Variants in ADAM18 observed in about 807,000 individuals in gnomAD.
ADAM18 encodes the protein ADAM metallopeptidase domain 18, also known as disintegrin and metalloproteinase domain-containing protein 18.
Under a neutral mutation model 94.4 loss-of-function variants are expected in ADAM18, and 117 were observed. The observed-to-expected ratio is 1.24, with a 90% confidence interval of 1.07 to 1.45. The LOEUF is 1.45. ADAM18 is among the 40% of genes most tolerant of loss of function. ADAM18 has a pLI of 0.00. For synonymous variants in ADAM18, 327 were observed against 291.6 expected, an observed-to-expected ratio of 1.12 and a Z score of -1.24; for missense variants, 936 against 880.0, an observed-to-expected ratio of 1.06 and a Z score of -0.81.
At position 39,648,457 on chromosome 8, in the gene ADAM18, A is replaced by G. The variant is rs757016432; in HGVS notation, c.1160A>G (p.His387Arg). ...AAGCTTTCAAATTTGCAACCATTAC[A>G]TCAAAATCAACCAGTGTGTGGTAAT... ...LQKLSNLQPL[H>R]QNQPVCGNGI... Residue 387 changes from histidine (H) to arginine (R), a missense_variant, in exon 12 of 20, where the codon CAT becomes CGT. Physicochemically the swap from His to Arg is conservative, Grantham distance 29. Transcript: ENST00000265707. The G allele has an allele frequency of 6.2e-7, 1 of 1,613,268 alleles. No homozygotes were observed. The highest frequency in any genetic ancestry group is 8.5e-7 in the Non-Finnish European group (1 of 1,179,602).
At chr8:39,721,422 T>C (rs1822744027) in intron 18 of ADAM18, among the ~76,000 whole-genome samples, 1 of 151,444 alleles carries the variant, frequency 6.6e-6, no homozygotes, top group Non-Finnish European at 1.5e-5. Flanking sequence ...GGCTTCTTAA[T>C]TAACCTAAAA....
In ADAM18 at chr8:39,723,834, G is replaced by GT. The variant is rs891927177; in HGVS notation, c.2108dup (p.Thr704HisfsTer6). ...CTGCATTTTTCTGCCGTTTTTCATA[G>GT]TTTTCACCACTGTGATCTTTAAAAG... On this transcript the variant is annotated frameshift_variant, in exon 19 of 20. Transcript: ENST00000265707. LOFTEE classifies it high-confidence loss of function. The GT allele has an allele frequency of 1.9e-6, 3 of 1,585,604 alleles. No homozygotes were observed. The African/African-American group carries it at 4.1e-5, about 22-fold the overall frequency.
Position 39,663,815 on chromosome 8 carries a change from CTG to C in ADAM18, c.1254_1255del (p.Cys418Ter), listed in dbSNP as rs1419132947. The C allele has an allele frequency of 3.1e-6, 5 of 1,611,616 alleles. No homozygotes were observed. Among genetic ancestry groups the C allele is most frequent in the Non-Finnish European group, 4.2e-6 (5 of 1,179,150 alleles). Reference protein sequence around the residue: ...NKNECQFKKCCDYNTCKLKGS... With the variant: ...NKNECQFKKCXDYNTCKLKGS... ...TTTAGGAATGTCAATTTAAGAAGTG[CTG>C]TGATTATAACACATGTAAACTGAAG... On this transcript the variant is annotated frameshift_variant, in exon 13 of 20. Transcript: ENST00000265707. LOFTEE classifies it high-confidence loss of function.
intron 18 of ADAM18, among the ~76,000 whole-genome samples, chr8:39,712,070 A>G (rs1179110534): frequency 1.4e-5 from 2 of 146,820 alleles, no homozygotes; most frequent in Admixed American, 1.4e-4. Flanking sequence ...GATAAAAGAT[A>G]AGAAAAACAA....
chr8:39,705,325 C>G (rs1822211227), intron 17 of ADAM18, among the ~76,000 whole-genome samples: 1 of 152,090 alleles, frequency 6.6e-6, no homozygotes, highest in African/African-American at 2.4e-5. Flanking sequence ...TTGCTTTGCT[C>G]TGGCTGTTTC....
intron 6 of ADAM18, among the ~76,000 whole-genome samples, chr8:39,627,993 G>A (rs1777110036): frequency 1.3e-5 from 2 of 152,054 alleles, no homozygotes; most frequent in Non-Finnish European, 2.9e-5. Context: ...TGCTGGCTAT[G>A]AAATTCTTGG....
intron 14 of ADAM18, among the ~76,000 whole-genome samples, chr8:39,669,461 C>T (rs1452582201): frequency 1.2e-4 from 12 of 99,910 alleles, no homozygotes; most frequent in Non-Finnish European, 1.9e-4. Flanking sequence ...CTATCCCTCC[C>T]CCCTCCCCCC....
rs1268769016 is a variant in ADAM18, at chr8:39,655,828, C to CATAAAAATCAAATAGTCA, written c.1230+7301_1230+7302insATAAAAATCAAATAGTCA. On this transcript the variant is annotated intron_variant, in intron 12 of 19. Coordinates refer to ENST00000265707, the MANE Select transcript of ADAM18 (RefSeq NM_014237.3). ...GTCAATTCATAAAAATCAAATATTT[C>CATAAAAATCAAATAGTCA]TTTATAAATGACTAGAAGAAAAAAA... is the stretch of plus-strand genomic sequence containing the variant. Among the ~76,000 whole-genome samples the CATAAAAATCAAATAGTCA allele has an allele frequency of 5.3e-3, 807 of 151,986 alleles. 6 individuals are homozygous for CATAAAAATCAAATAGTCA. The highest frequency in any genetic ancestry group is 0.019 in the African/African-American group (790 of 41,488).
chr8:39,698,975 TG>T (rs779143292), intron 17 of ADAM18, among the ~76,000 whole-genome samples: 6 of 152,038 alleles, frequency 3.9e-5, no homozygotes, highest in Non-Finnish European at 5.9e-5. Flanking sequence ...ATATGGAAAA[TG>T]TGTTTAGGGA....
At chr8:39,700,236 TAAA>T in intron 17 of ADAM18, among the ~76,000 whole-genome samples, 1 of 152,240 alleles carries the variant, frequency 6.6e-6, no homozygotes, top group South Asian at 2.1e-4. Context: ...TATCAACAAA[TAAA>T]AAAGAATGTT....
At chr8:39,676,195 A>G (rs1821296606) in intron 14 of ADAM18, among the ~76,000 whole-genome samples, 1 of 152,150 alleles carries the variant, frequency 6.6e-6, no homozygotes, top group Non-Finnish European at 1.5e-5. Flanking sequence ...TCAGACAGGG[A>G]TGTTTAAGTC....
chr8:39,689,076 G>T (rs1821694609), intron 16 of ADAM18, among the ~76,000 whole-genome samples: 1 of 150,624 alleles, frequency 6.6e-6, no homozygotes, highest in South Asian at 2.1e-4. Flanking sequence ...TTGTAACTTT[G>T]TTTAAGTTCT....
At chr8:39,620,369 A>G (rs1180465948) in intron 6 of ADAM18, among the ~76,000 whole-genome samples, 2 of 111,422 alleles carry the variant, frequency 1.8e-5, no homozygotes, top group African/African-American at 3.6e-5. Context: ...AAAAAAAAAA[A>G]AAAAACAAAA....
intron 17 of ADAM18, among the ~76,000 whole-genome samples, chr8:39,694,991 A>G (rs1292427168): frequency 6.6e-6 from 1 of 151,458 alleles, no homozygotes; most frequent in African/African-American, 2.4e-5. Context: ...CTAGAAACCC[A>G]TGAACTTTTT....
intron 10 of ADAM18, among the ~76,000 whole-genome samples, chr8:39,643,099 T>A (rs1220911654): frequency 6.6e-6 from 1 of 152,160 alleles, no homozygotes; most frequent in African/African-American, 2.4e-5. Flanking sequence ...ATTGTTGGTG[T>A]ATAGGAATAC....
At chr8:39,607,853 G>A (rs1585892143) in intron 3 of ADAM18, among the ~76,000 whole-genome samples, 1 of 144,760 alleles carries the variant, frequency 6.9e-6, no homozygotes, top group African/African-American at 2.6e-5. Context: ...TCATCTGGTT[G>A]TTTAATTCTT....
chr8:39,591,062 A>AGTGTT (rs1818557797), intron 2 of ADAM18, among the ~76,000 whole-genome samples: 3 of 152,208 alleles, frequency 2.0e-5, no homozygotes, highest in Non-Finnish European at 4.4e-5. Context: ...TATGGCTAAA[A>AGTGTT]ATAACATTGT....
rs1036257769 is a variant in ADAM18, at chr8:39,696,293, T to C, written c.1902+3613T>C. ...ATATATTTTGGATATTAATTCCTTA[T>C]CATATATGTGATTTGCTATTTTTCC... On this transcript the variant is annotated intron_variant, in intron 17 of 19. Coordinates refer to ENST00000265707, the MANE Select transcript of ADAM18 (RefSeq NM_014237.3). 2.0e-4 allele frequency among the ~76,000 whole-genome samples: 15 copies of C among 73,428 alleles called. No homozygotes were observed. The Middle Eastern group carries it at 0.028, about 139-fold the overall frequency. 48.2% of individuals were successfully genotyped at this position (73,428 alleles called of 152,430 possible).
intron 2 of ADAM18, among the ~76,000 whole-genome samples, chr8:39,586,872 A>G (rs185259960): frequency 6.6e-6 from 1 of 152,210 alleles, no homozygotes; most frequent in Non-Finnish European, 1.5e-5. Context: ...TCATTGCATA[A>G]TCACTGTAAA....
Sources: gnomAD v4.1 joint callset for allele counts (sites outside exome capture counted in the v4.1 genomes callset) on GRCh38, gnomAD v4.1.1 for gene constraint, MANE v1.5 for transcripts, NCBI Gene and HGNC (gene_info 2026-07-23, HGNC 2026-07-21) for gene names.